NCAM2: variants seen among roughly 807,000 people sequenced by gnomAD.
NCAM2 encodes the protein N-CAM-2.
NCAM2 carries 30 observed loss-of-function variants against 98.1 expected under a neutral mutation model. That is an observed-to-expected ratio of 0.31 (90% CI 0.23 to 0.41). The LOEUF (loss-of-function observed/expected upper bound fraction) is 0.41. Among genes scored for constraint, NCAM2 ranks in the 10% least tolerant of loss-of-function variants. NCAM2 has a pLI of 1.00. For synonymous variants in NCAM2, 368 were observed against 342.4 expected, an observed-to-expected ratio of 1.07 and a Z score of -0.83; for missense variants, 867 against 1,005.8, an observed-to-expected ratio of 0.86 and a Z score of 1.87.
intron 6 of NCAM2, among the ~76,000 whole-genome samples, chr21:21,331,524 T>TATATATATATATATATAC (rs2074690994): frequency 4.8e-5 from 1 of 20,822 alleles, no homozygotes; most frequent in Admixed American, 6.3e-4. Context: ...TCTCTATATA[T>TATATATATATATATATAC]ATATATATAT....
At chr21:21,314,535 A>G (rs753351877) in intron 5 of NCAM2, among the ~76,000 whole-genome samples, 58 of 152,136 alleles carry the variant, frequency 3.8e-4, no homozygotes, top group Non-Finnish European at 5.3e-4. Context: ...GCATTGATAC[A>G]TACACATATG....
intron 10 of NCAM2, among the ~76,000 whole-genome samples, chr21:21,411,614 G>T (rs1046033778): frequency 6.6e-6 from 1 of 152,092 alleles, no homozygotes; most frequent in Admixed American, 6.5e-5. Flanking sequence ...TCCAAATTAT[G>T]ATGCGGTTAG....
intron 9 of NCAM2, among the ~76,000 whole-genome samples, chr21:21,397,786 A>G (rs775042977): frequency 6.6e-6 from 1 of 152,142 alleles, no homozygotes; most frequent in Non-Finnish European, 1.5e-5. Context: ...GAGTGCACAA[A>G]CCTGGCCAGA....
intron 1 of NCAM2, among the ~76,000 whole-genome samples, chr21:21,246,619 G>A (rs1204513230): frequency 2.0e-5 from 3 of 152,088 alleles, no homozygotes; most frequent in Non-Finnish European, 4.4e-5. Flanking sequence ...ATATAAATCT[G>A]TGAGCTTTTA....
chr21:21,453,673 C>T (rs1981682893), intron 12 of NCAM2, among the ~76,000 whole-genome samples: 1 of 152,080 alleles, frequency 6.6e-6, no homozygotes, highest in Non-Finnish European at 1.5e-5. Context: ...AAGTTACCTT[C>T]TGCCATATGT....
chr21:21,393,917 A>G (rs2076439242), intron 9 of NCAM2, among the ~76,000 whole-genome samples: 1 of 152,194 alleles, frequency 6.6e-6, no homozygotes, highest in African/African-American at 2.4e-5. Context: ...TAGAAAAAGG[A>G]GAATAATATT....
chr21:21,204,677 T>C (rs1468028259), intron 1 of NCAM2, among the ~76,000 whole-genome samples: 3 of 152,138 alleles, frequency 2.0e-5, no homozygotes, highest in Non-Finnish European at 4.4e-5. Flanking sequence ...CTGTCCACTT[T>C]ATTTGAAAGA....
At chr21:21,390,266 C>T (rs1008186577) in intron 9 of NCAM2, among the ~76,000 whole-genome samples, 13 of 152,002 alleles carry the variant, frequency 8.6e-5, no homozygotes, top group Middle Eastern at 3.2e-3. Context: ...CAGTATGGCT[C>T]TTAGAAAATT....
chr21:21,440,976 G>A (rs546804151), intron 12 of NCAM2, among the ~76,000 whole-genome samples: 13 of 152,100 alleles, frequency 8.5e-5, no homozygotes, highest in African/African-American at 2.7e-4. Context: ...TAAATGACTC[G>A]AATTAGCAGG....
chr21:21,272,499 C>CGT (rs1601831787), intron 1 of NCAM2, among the ~76,000 whole-genome samples: 3 of 50,604 alleles, frequency 5.9e-5, no homozygotes, highest in Admixed American at 4.8e-4. Context: ...CACACACATG[C>CGT]GCGCGCGCGC....
intron 1 of NCAM2, among the ~76,000 whole-genome samples, chr21:21,218,578 C>T (rs1210591867): frequency 1.3e-5 from 2 of 152,016 alleles, no homozygotes; most frequent in Admixed American, 1.3e-4. Flanking sequence ...CAGTGTAACC[C>T]CAGGAGTCCT....
At chr21:21,148,041 G>T (rs998393844) in intron 1 of NCAM2, among the ~76,000 whole-genome samples, 2 of 152,180 alleles carry the variant, frequency 1.3e-5, no homozygotes, top group East Asian at 3.9e-4. Flanking sequence ...GGCAGAGAGA[G>T]TGCCAATCCT....
At chr21:21,249,922 G>A (rs974241580) in intron 1 of NCAM2, among the ~76,000 whole-genome samples, 3 of 152,144 alleles carry the variant, frequency 2.0e-5, no homozygotes, top group African/African-American at 4.8e-5. Context: ...TGTTGTAAGA[G>A]TAATGAATGA....
chr21:21,267,352 A>C (rs540473592), intron 1 of NCAM2, among the ~76,000 whole-genome samples: 2 of 152,014 alleles, frequency 1.3e-5, no homozygotes, highest in African/African-American at 2.4e-5. Context: ...TATAAGAATA[A>C]AACTTTAAAT....
At chr21:21,472,992 A>G (rs904559864) in intron 14 of NCAM2, among the ~76,000 whole-genome samples, 6 of 125,852 alleles carry the variant, frequency 4.8e-5, no homozygotes, top group Non-Finnish European at 1.1e-4. Context: ...ACACACACAC[A>G]CGCACACATA....
At chr21:21,487,935 G>A (rs1185056330) in intron 15 of NCAM2, among the ~76,000 whole-genome samples, 2 of 151,960 alleles carry the variant, frequency 1.3e-5, no homozygotes, top group Non-Finnish European at 2.9e-5. Context: ...TCATTAGGAC[G>A]GACTAAGTTT....
chr21:21,437,018 A>G (rs962831769), intron 12 of NCAM2, among the ~76,000 whole-genome samples: 2 of 151,752 alleles, frequency 1.3e-5, no homozygotes, highest in African/African-American at 4.8e-5. Flanking sequence ...CAGGCAATCT[A>G]CCTGCCTCAT....
At chr21:21,530,182 GATTTAATTTAATTTAATTATATATA>G (rs1365294332) in intron 16 of NCAM2, among the ~76,000 whole-genome samples, 3,522 of 73,948 alleles carry the variant, frequency 0.048, 147 homozygotes, top group East Asian at 0.15. Flanking sequence ...AATTATATAT[GATTTAATTTAATTTAATTATATATA>G]ATTTAATTTA....
chr21:21,411,427 G>T (rs1289122125), intron 10 of NCAM2, among the ~76,000 whole-genome samples: 1 of 150,532 alleles, frequency 6.6e-6, no homozygotes, highest in Admixed American at 6.6e-5. Flanking sequence ...AAATTTACTT[G>T]TTCAGTATCT....
Sources: allele counts gnomAD v4.1 joint callset (sites outside exome capture counted in the v4.1 genomes callset), GRCh38; gene constraint gnomAD v4.1.1; transcripts MANE v1.5; gene names NCBI Gene and HGNC (gene_info 2026-07-23, HGNC 2026-07-21).